ARHGEF26: variants seen among roughly 807,000 people sequenced by gnomAD.
ARHGEF26 encodes the protein Rho guanine nucleotide exchange factor 26, also known as Rho guanine nucleotide exchange factor (GEF) 26.
In ARHGEF26, 59 loss-of-function variants were observed where a neutral mutation model predicts 89.4. The ratio of observed to expected loss-of-function variants is 0.66; its 90% CI spans 0.54 to 0.82. The LOEUF (loss-of-function observed/expected upper bound fraction) is 0.82. Among genes scored for constraint, ARHGEF26 ranks in the 40% least tolerant of loss-of-function variants. ARHGEF26 has a pLI of 0.00. For missense variants in ARHGEF26, 1,234 were observed against 1,085.6 expected (o/e 1.14, Z -1.92); for synonymous variants, 500 against 428.4 (o/e 1.17, Z -2.06).
rs887362151 is a variant in ARHGEF26 at position 154,255,645 on chromosome 3, A to C, written c.*172A>C. 2 of 1,429,410 alleles carry C rather than the reference A, an allele frequency of 1.4e-6. No individual in the cohort carries two copies. Among genetic ancestry groups the C allele is most frequent in the African/African-American group, 2.9e-5 (2 of 69,490 alleles). 88.5% of individuals were successfully genotyped at this position (1,429,410 alleles called of 1,614,324 possible). Reference sequence around the variant, plus strand: ...GCTCTCTCATGAGAAGAGCTTGGATACAGTGAGTTTGCACAGCTCAGTTTT... The same window carrying C: ...GCTCTCTCATGAGAAGAGCTTGGATCCAGTGAGTTTGCACAGCTCAGTTTT... On this transcript the variant is annotated 3_prime_UTR_variant, in exon 15 of 15. Coordinates refer to ENST00000465093, the MANE Select transcript of ARHGEF26 (RefSeq NM_015595.4).
intron 6 of ARHGEF26, 133 bp downstream of exon 6, chr3:154,153,065 A>C (rs1314798358): frequency 3.6e-6 from 3 of 821,950 alleles, no homozygotes; most frequent in Admixed American, 3.9e-5. Context: ...TCCTTGAAAT[A>C]CATTTTGAGA....
intron 12 of ARHGEF26, among the ~76,000 whole-genome samples, chr3:154,248,711 T>C (rs1338649956): frequency 2.0e-5 from 3 of 152,172 alleles, no homozygotes; most frequent in Non-Finnish European, 4.4e-5. Context: ...TAATGTAATA[T>C]GATAAACAAG....
chr3:154,125,090 T>C (rs926083933), intron 3 of ARHGEF26, among the ~76,000 whole-genome samples: 6 of 152,040 alleles, frequency 3.9e-5, no homozygotes, highest in African/African-American at 1.4e-4. Context: ...AAGGGAGCAG[T>C]CCCAGCTGTA....
intron 6 of ARHGEF26, among the ~76,000 whole-genome samples, chr3:154,176,812 A>G (rs1217440573): frequency 6.6e-6 from 1 of 152,124 alleles, no homozygotes; most frequent in Non-Finnish European, 1.5e-5. Context: ...AAAAATACAT[A>G]TATATATCTT....
chr3:154,233,298 T>G (rs1156919439), intron 11 of ARHGEF26, among the ~76,000 whole-genome samples: 1 of 152,214 alleles, frequency 6.6e-6, no homozygotes, highest in African/African-American at 2.4e-5. Flanking sequence ...GAAAAAAAAT[T>G]TTTAACTCCT....
intron 6 of ARHGEF26, among the ~76,000 whole-genome samples, chr3:154,163,209 TA>T (rs1711774797): frequency 6.6e-6 from 1 of 152,220 alleles, no homozygotes; most frequent in African/African-American, 2.4e-5. Flanking sequence ...TGTAGGAACT[TA>T]ACTTTTGTTT....
intron 7 of ARHGEF26, 39 bp downstream of exon 7, chr3:154,187,876 C>G: frequency 3.2e-6 from 5 of 1,556,944 alleles, no homozygotes; most frequent in Middle Eastern, 1.7e-4. Context: ...ATCATCTAAC[C>G]TAGTTTTAAT....
intron 11 of ARHGEF26, among the ~76,000 whole-genome samples, chr3:154,230,732 C>A (rs1188293742): frequency 6.6e-6 from 1 of 152,084 alleles, no homozygotes; most frequent in Non-Finnish European, 1.5e-5. Flanking sequence ...TCCATAAATA[C>A]TGTGTATAGC....
intron 4 of ARHGEF26, among the ~76,000 whole-genome samples, chr3:154,130,796 G>T (rs1718639952): frequency 6.6e-6 from 1 of 152,160 alleles, no homozygotes; most frequent in Non-Finnish European, 1.5e-5. Context: ...GAGTCCTTAG[G>T]CAATATCAGA....
At chr3:154,146,303 C>T (rs548859816) in intron 4 of ARHGEF26, among the ~76,000 whole-genome samples, 5 of 152,270 alleles carry the variant, frequency 3.3e-5, no homozygotes, top group African/African-American at 9.6e-5. Flanking sequence ...TTGAAAGGCT[C>T]CACCTCCTAA....
At position 154,194,691 on chromosome 3, in the gene ARHGEF26, C is replaced by A. The variant is rs756492851; in HGVS notation, c.1818C>A (p.Cys606Ter). The change falls in exon 9 of 15, where the codon TGC (cysteine) becomes TGA (stop). Residue 606 changes from cysteine to a stop codon, truncating the protein, a stop_gained. Transcript: ENST00000465093. LOFTEE classifies it high-confidence loss of function. ...AGGACTCTCCGAAGTATGAAGTCTG[C>A]AAAAGAGCCTTGAAGGAAGTTAGCA... ...TPKDSPKYEV[C>*]KRALKEVSKL... The A allele has an allele frequency of 6.2e-7, 1 of 1,612,850 alleles. No homozygotes were observed. The highest frequency in any genetic ancestry group is 1.1e-5 in the South Asian group (1 of 90,674).
chr3:154,219,615 A>G (rs1258256688), intron 10 of ARHGEF26, among the ~76,000 whole-genome samples: 1 of 151,396 alleles, frequency 6.6e-6, no homozygotes, highest in Non-Finnish European at 1.5e-5. Context: ...AAAAAGAAAA[A>G]GAAACTCTGT....
chr3:154,177,630 G>T (rs1457714664), intron 6 of ARHGEF26, among the ~76,000 whole-genome samples: 1 of 152,272 alleles, frequency 6.6e-6, no homozygotes, highest in Admixed American at 6.5e-5. Flanking sequence ...TGTTCCATCA[G>T]GCCTGGAATT....
Position 154,257,448 on chromosome 3 carries a change from G to A in ARHGEF26, c.*1975G>A, listed in dbSNP as rs1718593733. 6.6e-6 allele frequency: 1 copy of A among 152,200 alleles called. No individual in the cohort carries two copies. The highest frequency in any genetic ancestry group is 1.5e-5 in the Non-Finnish European group (1 of 68,100). 9.4% of individuals were successfully genotyped at this position (152,200 alleles called of 1,614,324 possible). ...AGGAAGGTAAATTTGTGCTTGCACG[G>A]GGATCATTTTGTATTATTTTTGCTA... On this transcript the variant is annotated 3_prime_UTR_variant, in exon 15 of 15. Coordinates refer to ENST00000465093, the MANE Select transcript of ARHGEF26 (RefSeq NM_015595.4).
intron 5 of ARHGEF26, among the ~76,000 whole-genome samples, chr3:154,152,392 G>A (rs1720075918): frequency 6.6e-6 from 1 of 152,146 alleles, no homozygotes; most frequent in Non-Finnish European, 1.5e-5. Flanking sequence ...AAAGCAGCAT[G>A]CTTTGAAAGC....
At chr3:154,212,689 C>G (rs1715451985) in intron 9 of ARHGEF26, among the ~76,000 whole-genome samples, 1 of 152,104 alleles carries the variant, frequency 6.6e-6, no homozygotes, top group South Asian at 2.1e-4. Context: ...AAGGAGCACA[C>G]AGCCTAGATC....
At position 154,254,723 on chromosome 3, in the gene ARHGEF26, T is replaced by C. The variant is rs184658976; in HGVS notation, c.2372T>C (p.Leu791Pro). 1 of 1,613,832 alleles carries C rather than the reference T, an allele frequency of 6.2e-7. No homozygotes were observed. Among genetic ancestry groups the C allele is most frequent in the East Asian group, 2.2e-5 (1 of 44,858 alleles). Residue 791 changes from leucine (L) to proline (P), a missense_variant, in exon 14 of 15, where the codon CTG (leucine) becomes CCG (proline). By Grantham distance (98) the Leu-to-Pro change is moderately conservative. Coordinates refer to ENST00000465093, the MANE Select transcript of ARHGEF26 (RefSeq NM_015595.4). ...GTATGTCCTCTTTTGGCCTCAGCAC[T>C]GACCCAGGTGGAAATCGTTAGGTCA... ...SGKPPADRTS[L>P]TQVEIVRSFT...
Position 154,240,384 on chromosome 3 carries a change from A to G in ARHGEF26, c.2105A>G (p.Asn702Ser), listed in dbSNP as rs199620969. 2.8e-4 allele frequency: 456 copies of G among 1,606,470 alleles called. 4 individuals carry two copies. The South Asian group carries it at 3.0e-3, about 10-fold the overall frequency. Residue 702 changes from asparagine to serine, a missense_variant, in exon 12 of 15, where the codon AAC (asparagine) becomes AGC (serine). By Grantham distance (46) the Asn-to-Ser change is conservative. Transcript: ENST00000465093. The stretch of plus-strand genomic sequence containing the variant: ...TTCCTTTACAGTGAAGAAAGTTACA[A>G]CGTCAATGATTATTCCTTAAGAGAT... ...ITKKKSEESY[N>S]VNDYSLRDQL...
rs142290338 is a variant in ARHGEF26, at chr3:154,243,870, A to G, written c.2300+3291A>G. On this transcript the variant is annotated intron_variant, in intron 12 of 14. Transcript: ENST00000465093. The stretch of plus-strand genomic sequence containing the variant: ...CGCACTTTCCTTAAAAATAAAAAAG[A>G]CTATTAAAAAACCTGGCAAATTGTT... Among the ~76,000 whole-genome samples the G allele has an allele frequency of 3.2e-3, 486 of 152,316 alleles. 1 individual carries two copies. Among genetic ancestry groups the G allele is most frequent in the African/African-American group, 0.011 (453 of 41,560 alleles).
Sources: allele counts gnomAD v4.1 joint callset (sites outside exome capture counted in the v4.1 genomes callset), GRCh38; gene constraint gnomAD v4.1.1; transcripts MANE v1.5; gene names NCBI Gene and HGNC (gene_info 2026-07-23, HGNC 2026-07-21).